Variants in CARMIL1 observed in about 807,000 individuals in gnomAD.
CARMIL1 encodes the protein capping protein regulator and myosin 1 linker 1.
In CARMIL1, 90 loss-of-function variants were observed where a neutral mutation model predicts 177.1. The ratio of observed to expected loss-of-function variants is 0.51; its 90% confidence interval spans 0.43 to 0.61. The LOEUF is 0.61. CARMIL1 is among the 20% of genes least tolerant of loss of function. CARMIL1 has a pLI of 0.00. For missense variants in CARMIL1, 1,380 were observed against 1,667.0 expected (o/e 0.83, Z 3.00); for synonymous variants, 577 against 606.2 (o/e 0.95, Z 0.71).
chr6:25,296,933 CTT>C (rs869133786), intron 2 of CARMIL1, among the ~76,000 whole-genome samples: 32,023 of 76,048 alleles, frequency 0.42, 3,679 homozygotes, highest in East Asian at 0.52. Context: ...ATCTATCTAT[CTT>C]TAACTAACTA....
At chr6:25,566,133 A>G (rs1035240216) in intron 29 of CARMIL1, among the ~76,000 whole-genome samples, 2 of 152,200 alleles carry the variant, frequency 1.3e-5, no homozygotes, top group African/African-American at 4.8e-5. Flanking sequence ...GGACTCTTGA[A>G]ACAGGCTTGT....
At chr6:25,289,851 G>A (rs1226773065) in intron 2 of CARMIL1, among the ~76,000 whole-genome samples, 1 of 152,186 alleles carries the variant, frequency 6.6e-6, no homozygotes, top group Non-Finnish European at 1.5e-5. Context: ...GTTGTTTTCA[G>A]TTTTTGTCTA....
At chr6:25,547,089 C>T (rs557465842) in intron 26 of CARMIL1, among the ~76,000 whole-genome samples, 3 of 151,736 alleles carry the variant, frequency 2.0e-5, no homozygotes, top group South Asian at 2.1e-4. Context: ...AAATAGTAAC[C>T]GAAAAATCTA....
At chr6:25,451,611 C>T (rs923620859) in intron 8 of CARMIL1, among the ~76,000 whole-genome samples, 1 of 152,138 alleles carries the variant, frequency 6.6e-6, no homozygotes, top group Non-Finnish European at 1.5e-5. Context: ...TCATTTTTCC[C>T]CATGTCTCTT....
chr6:25,361,468 T>G (rs1789189908), intron 2 of CARMIL1, among the ~76,000 whole-genome samples: 1 of 152,150 alleles, frequency 6.6e-6, no homozygotes. Context: ...GACTTTAATC[T>G]TAAGTCATCT....
intron 29 of CARMIL1, among the ~76,000 whole-genome samples, chr6:25,574,511 T>G (rs1273701004): frequency 6.6e-6 from 1 of 152,236 alleles, no homozygotes; most frequent in East Asian, 1.9e-4. Flanking sequence ...GCATCACAGA[T>G]AATGTAATAG....
intron 15 of CARMIL1, among the ~76,000 whole-genome samples, chr6:25,493,949 T>G (rs1176143995): frequency 6.6e-6 from 1 of 152,078 alleles, no homozygotes; most frequent in Non-Finnish European, 1.5e-5. Context: ...TCCTCTTAGT[T>G]TTATTTTTCA....
intron 2 of CARMIL1, among the ~76,000 whole-genome samples, chr6:25,288,422 C>T (rs1218120257): frequency 2.0e-5 from 3 of 151,178 alleles, no homozygotes; most frequent in African/African-American, 7.3e-5. Flanking sequence ...GGTTAAGGGC[C>T]CAGATTTTGG....
chr6:25,285,388 T>C (rs913390785), intron 2 of CARMIL1, among the ~76,000 whole-genome samples: 3 of 152,082 alleles, frequency 2.0e-5, no homozygotes, highest in Admixed American at 6.6e-5. Flanking sequence ...TTACTTAGGG[T>C]GTTGGTGCTT....
At chr6:25,359,209 AG>A (rs1467290736) in intron 2 of CARMIL1, among the ~76,000 whole-genome samples, 1 of 152,230 alleles carries the variant, frequency 6.6e-6, no homozygotes, top group African/African-American at 2.4e-5. Context: ...TGGCCAGGAA[AG>A]GAAGCTGGAA....
At chr6:25,358,549 GTTATAC>G (rs1454283244) in intron 2 of CARMIL1, among the ~76,000 whole-genome samples, 3 of 152,226 alleles carry the variant, frequency 2.0e-5, no homozygotes, top group South Asian at 2.1e-4. Flanking sequence ...GATGTTTCCT[GTTATAC>G]TTAAACATTG....
chr6:25,413,795 T>A (rs9379764), intron 2 of CARMIL1, among the ~76,000 whole-genome samples: 1 of 151,698 alleles, frequency 6.6e-6, no homozygotes, highest in African/African-American at 2.4e-5. Flanking sequence ...GCACATATAC[T>A]CCATCTGATG....
At chr6:25,289,043 C>T (rs1781741526) in intron 2 of CARMIL1, among the ~76,000 whole-genome samples, 1 of 152,110 alleles carries the variant, frequency 6.6e-6, no homozygotes, top group East Asian at 1.9e-4. Flanking sequence ...TGACCATGGG[C>T]TAAGAAGGAA....
At position 25,610,115 on chromosome 6, in the gene CARMIL1, C is replaced by G. The variant is rs575479804; in HGVS notation, c.3913C>G (p.Pro1305Ala). ...ALLPPVLKKV[P>A]SDKERDGQSS... ...TCTTCCACCTGTCCTGAAAAAAGTT[C>G]CTTCAGACAAAGAGAGAGATGGCCA... The change falls in exon 36 of 37, where the codon CCT (proline) becomes GCT (alanine). Residue 1305 changes from proline to alanine, a missense_variant. Physicochemically the swap from Pro to Ala is conservative, Grantham distance 27 (BLOSUM62 -1). Transcript: ENST00000329474. 4 of 1,613,910 alleles carry G rather than the reference C, an allele frequency of 2.5e-6. No homozygotes were observed.
intron 31 of CARMIL1, among the ~76,000 whole-genome samples, chr6:25,588,233 C>G (rs1813953712): frequency 1.3e-5 from 2 of 152,174 alleles, no homozygotes; most frequent in Admixed American, 6.5e-5. Flanking sequence ...TACTGAAGTT[C>G]AGCTGTATTA....
At chr6:25,373,706 C>T (rs1790677897) in intron 2 of CARMIL1, among the ~76,000 whole-genome samples, 1 of 151,900 alleles carries the variant, frequency 6.6e-6, no homozygotes, top group Non-Finnish European at 1.5e-5. Flanking sequence ...CCTCAGCCTT[C>T]CGAGTAGCTG....
intron 24 of CARMIL1, among the ~76,000 whole-genome samples, chr6:25,534,479 T>A (rs2151116020): frequency 6.6e-6 from 1 of 152,116 alleles, no homozygotes; most frequent in South Asian, 2.1e-4. Context: ...ATCCCTTCTG[T>A]TTTTCTCAAT....
intron 2 of CARMIL1, among the ~76,000 whole-genome samples, chr6:25,335,544 A>G (rs1235661772): frequency 6.6e-6 from 1 of 152,252 alleles, no homozygotes; most frequent in Non-Finnish European, 1.5e-5. Context: ...AATGTGAACA[A>G]TTGTTTAAAA....
At chr6:25,450,969 CTCTTCT>C (rs1562155284) in intron 8 of CARMIL1, among the ~76,000 whole-genome samples, 3 of 7,004 alleles carry the variant, frequency 4.3e-4, no homozygotes, top group Non-Finnish European at 9.4e-4. Context: ...CTCCTCTCTT[CTCTTCT>C]CCTCTCCCCC....
Sources: allele counts gnomAD v4.1 joint callset (sites outside exome capture counted in the v4.1 genomes callset), GRCh38; gene constraint gnomAD v4.1.1; transcripts MANE v1.5; gene names NCBI Gene and HGNC (gene_info 2026-07-23, HGNC 2026-07-21).